The following PRKCB variants were observed in gnomAD, a reference collection of about 807,000 sequenced individuals.
The protein encoded by PRKCB is protein kinase C beta type.
Under a neutral mutation model 81.5 loss-of-function variants are expected in PRKCB, and 13 were observed. The ratio of observed to expected loss-of-function variants is 0.16; its 90% CI spans 0.10 to 0.25. The LOEUF (loss-of-function observed/expected upper bound fraction) is 0.25. Ranked by LOEUF, PRKCB falls within the 10% of genes least tolerant of loss-of-function variation. The pLI is 1.00. For missense variants in PRKCB, 509 were observed against 875.7 expected (o/e 0.58, Z 5.29); for synonymous variants, 335 against 321.4 (o/e 1.04, Z -0.45).
At position 24,219,655 on chromosome 16, in the gene PRKCB, AACACACACACACACAC is replaced by A. The variant is rs869265824; in HGVS notation, c.*4872_*4887del. The A allele has an allele frequency of 2.2e-4, 162 of 742,616 alleles. No individual in the cohort carries two copies. The Middle Eastern group carries it at 2.5e-3, about 12-fold the overall frequency. The allele number at this position is 742,616 out of a possible 1,614,324, so 46.0% of individuals were successfully genotyped here. On this transcript the variant is annotated 3_prime_UTR_variant, in exon 17 of 17. Transcript: ENST00000643927. The stretch of plus-strand genomic sequence containing the variant: ...ATCCTAAAGCCAAAGAAAATACAGC[AACACACACACACACAC>A]ACACACACACACACACACACACACA...
intron 5 of PRKCB, among the ~76,000 whole-genome samples, chr16:24,089,054 C>A (rs1179143971): frequency 1.3e-5 from 2 of 152,132 alleles, no homozygotes; most frequent in Non-Finnish European, 2.9e-5. Flanking sequence ...ACTCCAAGAT[C>A]CCAGCCTAGA....
At chr16:24,172,802 C>A (rs1967464347) in intron 11 of PRKCB, among the ~76,000 whole-genome samples, 2 of 152,206 alleles carry the variant, frequency 1.3e-5, no homozygotes, top group Non-Finnish European at 2.9e-5. Flanking sequence ...ATGTCCCTGA[C>A]TGCTTAGAAA....
In PRKCB at chr16:23,882,021, T is replaced by TTCCTTCCTTCCTTC. The variant is rs1555481692; in HGVS notation, c.205+44615_205+44616insTCCTTCCTTCCTTC. 1.8e-4 allele frequency among the ~76,000 whole-genome samples: 10 copies of TTCCTTCCTTCCTTC among 55,634 alleles called. 1 individual carries two copies. The highest frequency in any genetic ancestry group is 8.8e-4 in the Admixed American group (4 of 4,558). 36.5% of individuals were successfully genotyped at this position (55,634 alleles called of 152,430 possible). A position where few individuals can be genotyped will look rare whatever the true frequency, so the allele number is the denominator to read the frequency against. ...TTCTTTCTTTCTTTCTTTCTTTCTT[T>TTCCTTCCTTCCTTC]CTTCCTTCCTTCCTTCCTTCCTTCC... On this transcript the variant is annotated intron_variant, in intron 2 of 16. Coordinates refer to ENST00000643927, the MANE Select transcript of PRKCB (RefSeq NM_002738.7).
At chr16:24,109,870 C>T (rs1044567532) in intron 7 of PRKCB, among the ~76,000 whole-genome samples, 1 of 128,860 alleles carries the variant, frequency 7.8e-6, no homozygotes, top group Non-Finnish European at 1.6e-5. Flanking sequence ...CTCAGGAGGC[C>T]GAGGCTGGTG....
chr16:23,899,715 C>T lies in PRKCB; in HGVS notation c.205+62309C>T, dbSNP rs527272126. 1.1e-3 allele frequency among the ~76,000 whole-genome samples: 84 copies of T among 79,004 alleles called. 33 individuals carry two copies. The highest frequency in any genetic ancestry group is 2.3e-3 in the Non-Finnish European group (74 of 32,548). 51.8% of individuals were successfully genotyped at this position (79,004 alleles called of 152,430 possible). A position where few individuals can be genotyped will look rare whatever the true frequency, so the allele number is the denominator to read the frequency against. ...AGTGCAGTGATGCGACCATGGCTCACTATATTCAAAATCCTGGGCTCATGC... is the reference window on the plus strand; with the variant it reads ...AGTGCAGTGATGCGACCATGGCTCATTATATTCAAAATCCTGGGCTCATGC... On this transcript the variant is annotated intron_variant, in intron 2 of 16. Coordinates refer to ENST00000643927, the MANE Select transcript of PRKCB (RefSeq NM_002738.7).
chr16:24,126,896 C>T (rs1966845270), intron 9 of PRKCB, among the ~76,000 whole-genome samples: 2 of 151,908 alleles, frequency 1.3e-5, no homozygotes, highest in South Asian at 2.1e-4. Flanking sequence ...TGCTCAAGTA[C>T]TTATAAGCTC....
chr16:23,893,393 A>AG (rs1277796076), intron 2 of PRKCB: 1 of 152,194 alleles, frequency 6.6e-6, no homozygotes. Flanking sequence ...GGTTTAACAG[A>AG]GATTATGCTA....
At chr16:24,064,521 C>G (rs1014042912) in intron 5 of PRKCB, among the ~76,000 whole-genome samples, 1 of 152,104 alleles carries the variant, frequency 6.6e-6, no homozygotes, top group African/African-American at 2.4e-5. Flanking sequence ...GGTAAATATT[C>G]CATGTGCACT....
chr16:24,192,804 T>C (rs1200943421), intron 16 of PRKCB, among the ~76,000 whole-genome samples: 2 of 152,100 alleles, frequency 1.3e-5, no homozygotes, highest in Non-Finnish European at 2.9e-5. Context: ...AATCAGACAC[T>C]CTAGGTGTGG....
intron 2 of PRKCB, among the ~76,000 whole-genome samples, chr16:23,860,862 C>T (rs1019541297): frequency 8.6e-5 from 13 of 152,006 alleles, no homozygotes; most frequent in African/African-American, 2.7e-4. Flanking sequence ...GCCAAGATCG[C>T]GCTACTGTAC....
Position 24,080,333 on chromosome 16 carries a change from TA to T in PRKCB, c.530-12457del, listed in dbSNP as rs570817746. ...CTTATTATTGTTCAGATGGCAGTGA[TA>T]TGAATAGTAGGGACTCAGGTACACA... On this transcript the variant is annotated intron_variant, in intron 5 of 16. Transcript: ENST00000643927. Among the ~76,000 whole-genome samples the T allele has an allele frequency of 2.6e-5, 4 of 152,302 alleles. No individual in the cohort carries two copies. In the South Asian group the frequency reaches 8.3e-4, roughly 32 times the overall value.
Position 23,936,224 on chromosome 16 carries a change from A to G in PRKCB, c.206-52284A>G, listed in dbSNP as rs542992178. 1.2e-4 allele frequency among the ~76,000 whole-genome samples: 18 copies of G among 150,834 alleles called. No homozygotes were observed. The East Asian group carries it at 3.5e-3, about 29-fold the overall frequency. On this transcript the variant is annotated intron_variant, in intron 2 of 16. Transcript: ENST00000643927. ...TTTTTTTTCCTGCTAATATTTGGCT[A>G]GTAAGCACCAGCATGGTGTAATGAC... is the stretch of plus-strand genomic sequence containing the variant.
At chr16:23,899,346 C>T (rs1963429526) in intron 2 of PRKCB, among the ~76,000 whole-genome samples, 1 of 152,154 alleles carries the variant, frequency 6.6e-6, no homozygotes, top group South Asian at 2.1e-4. Flanking sequence ...CAGTACATTC[C>T]ATTCCTTATC....
chr16:24,004,505 A>G (rs184472361), intron 3 of PRKCB, among the ~76,000 whole-genome samples: 3,180 of 151,392 alleles, frequency 0.021, 33 homozygotes, highest in Non-Finnish European at 0.024. Flanking sequence ...AAAAGAAAAA[A>G]TTAGCCAGGC....
chr16:24,027,156 C>G (rs866245765), intron 3 of PRKCB, among the ~76,000 whole-genome samples: 13 of 152,118 alleles, frequency 8.5e-5, no homozygotes, highest in South Asian at 6.2e-4. Flanking sequence ...TCCCCCACCC[C>G]CCGACAGGTC....
intron 9 of PRKCB, among the ~76,000 whole-genome samples, chr16:24,151,463 G>C (rs1320139518): frequency 6.6e-6 from 1 of 152,216 alleles, no homozygotes; most frequent in African/African-American, 2.4e-5. Flanking sequence ...GTGGCAGGAA[G>C]AAATGTGAAA....
At chr16:23,883,787 A>T (rs8050759) in intron 2 of PRKCB, among the ~76,000 whole-genome samples, 4,102 of 152,260 alleles carry the variant, frequency 0.027, 194 homozygotes, top group African/African-American at 0.094. Context: ...GACGTCTTTG[A>T]ACTTCGTAGC....
At chr16:24,205,075 G>A (rs1282419051) in intron 16 of PRKCB, among the ~76,000 whole-genome samples, 3 of 151,270 alleles carry the variant, frequency 2.0e-5, no homozygotes, top group South Asian at 2.1e-4. Context: ...AGCCGAGATC[G>A]TGCCACTGCA....
chr16:23,932,806 T>C (rs555209877), intron 2 of PRKCB, among the ~76,000 whole-genome samples: 34 of 152,344 alleles, frequency 2.2e-4, no homozygotes, highest in Non-Finnish European at 4.4e-4. Context: ...AACAGACTTA[T>C]TCCTTTGCTT....
Sources: allele counts gnomAD v4.1 joint callset (sites outside exome capture counted in the v4.1 genomes callset), GRCh38; gene constraint gnomAD v4.1.1; transcripts MANE v1.5; gene names NCBI Gene and HGNC (gene_info 2026-07-23, HGNC 2026-07-21).